TYW1B: variants seen among roughly 807,000 people sequenced by gnomAD.
TYW1B encodes the protein tRNA-yW synthesizing protein 1 homolog B, also known as S-adenosyl-L-methionine-dependent tRNA 4-demethylwyosine synthase TYW1B.
A neutral mutation model predicts 86.9 loss-of-function variants in TYW1B; 73 were observed. That is an observed-to-expected ratio of 0.84 (90% CI 0.70 to 1.02). The LOEUF (loss-of-function observed/expected upper bound fraction) is 1.02, where lower values mean the gene tolerates loss of function less well. Ranked by LOEUF, TYW1B falls within the 50% of genes least tolerant of loss-of-function variation. TYW1B has a pLI of 0.00. For synonymous variants in TYW1B, 248 were observed against 292.8 expected (o/e 0.85, Z 1.56); for missense variants, 637 against 827.4 (o/e 0.77, Z 2.82).
chr7:72,826,699 T>TA (rs371563701), intron 2 of TYW1B, among the ~76,000 whole-genome samples, 156 bp downstream of exon 2: 2 of 152,328 alleles, frequency 1.3e-5, no homozygotes, highest in Non-Finnish European at 2.9e-5. Context: ...CAAGATAACT[T>TA]AGTCTCCAAA....
chr7:72,631,099 C>T (rs1320555914), intron 11 of TYW1B, among the ~76,000 whole-genome samples: 1 of 151,500 alleles, frequency 6.6e-6, no homozygotes, highest in Admixed American at 6.6e-5. Flanking sequence ...TAAAACAAAA[C>T]AGAATGAGCA....
rs797023042 is a variant in TYW1B, at chr7:72,683,568, TCAAAACAAAA to T, written c.1506+11109_1506+11118del. Among the ~76,000 whole-genome samples, 12 of 152,188 alleles carry T rather than the reference TCAAAACAAAA, an allele frequency of 7.9e-5. No homozygotes were observed. In the East Asian group the frequency reaches 1.2e-3, roughly 15 times the overall value. ...CTGAGTGACAGAGCAAGACTCCGAC[TCAAAACAAAA>T]CAAAACAAAACAAAACACTGAGACC... is the stretch of plus-strand genomic sequence containing the variant. On this transcript the variant is annotated intron_variant, in intron 11 of 13. Transcript: ENST00000620995.
chr7:72,797,563 T>A (rs1443737602), intron 6 of TYW1B, among the ~76,000 whole-genome samples: 12 of 152,080 alleles, frequency 7.9e-5, no homozygotes, highest in Non-Finnish European at 1.5e-4. Context: ...GAAAGAAATT[T>A]AAAATGACCT....
At chr7:72,703,167 G>T (rs1554453034) in intron 10 of TYW1B, among the ~76,000 whole-genome samples, 2 of 151,304 alleles carry the variant, frequency 1.3e-5, no homozygotes, top group Non-Finnish European at 2.9e-5. Flanking sequence ...TGGGACTACA[G>T]GCGCCCACCA....
At chr7:72,827,963 C>A (rs548675450) in intron 1 of TYW1B, 109 bp downstream of exon 1, 35 of 1,567,672 alleles carry the variant, frequency 2.2e-5, no homozygotes, top group Non-Finnish European at 2.9e-5. Context: ...TCAAGTGCAA[C>A]AGTCTCCGAA....
intron 11 of TYW1B, among the ~76,000 whole-genome samples, chr7:72,656,418 A>G (rs1813205593): frequency 6.6e-6 from 1 of 152,076 alleles, no homozygotes; most frequent in Admixed American, 6.6e-5. Flanking sequence ...AAAGCATGAT[A>G]CCTCTTGTGT....
intron 1 of TYW1B, 64 bp downstream of exon 1, chr7:72,828,008 G>C: frequency 6.2e-7 from 1 of 1,606,842 alleles, no homozygotes; most frequent in Non-Finnish European, 8.5e-7. Context: ...CGCCCGGAGA[G>C]GGTCTCAGTA....
chr7:72,676,112 T>C (rs1286650322), intron 11 of TYW1B, among the ~76,000 whole-genome samples: 4 of 152,200 alleles, frequency 2.6e-5, no homozygotes, highest in Non-Finnish European at 4.4e-5. Flanking sequence ...AGTTTGATTT[T>C]AGTGGCTGGT....
intron 12 of TYW1B, among the ~76,000 whole-genome samples, chr7:72,624,270 A>ATGCTC (rs1812289345): frequency 1.3e-5 from 2 of 152,350 alleles, no homozygotes; most frequent in Middle Eastern, 6.8e-3. Context: ...AAACCAATGC[A>ATGCTC]TGCTCGTTGT....
At chr7:72,757,790 C>T (rs183866908) in intron 7 of TYW1B, among the ~76,000 whole-genome samples, 33 of 152,320 alleles carry the variant, frequency 2.2e-4, no homozygotes, top group South Asian at 1.4e-3. Context: ...GCCATCACAA[C>T]CTTACACAGA....
chr7:72,801,870 T>C (rs558699250), intron 6 of TYW1B, among the ~76,000 whole-genome samples: 261 of 152,250 alleles, frequency 1.7e-3, no homozygotes, highest in African/African-American at 6.0e-3. Flanking sequence ...AAATTTACAC[T>C]GGAGTTTCAC....
At chr7:72,724,475 A>G (rs1330295647) in intron 9 of TYW1B, among the ~76,000 whole-genome samples, 14 of 152,226 alleles carry the variant, frequency 9.2e-5, no homozygotes, top group Non-Finnish European at 7.3e-5. Context: ...CCTGTCTCCA[A>G]GTAAATAAAT....
At chr7:72,719,198 G>C (rs782205484) in intron 9 of TYW1B, among the ~76,000 whole-genome samples, 1 of 151,588 alleles carries the variant, frequency 6.6e-6, no homozygotes, top group Admixed American at 6.6e-5. Context: ...ACCCAGGCTG[G>C]AGTGCAGTGA....
intron 11 of TYW1B, among the ~76,000 whole-genome samples, chr7:72,686,291 C>T (rs1418390288): frequency 6.6e-6 from 1 of 152,038 alleles, no homozygotes; most frequent in Non-Finnish European, 1.5e-5. Flanking sequence ...TCAAAAATTG[C>T]CAAAACTTGG....
chr7:72,679,610 G>A (rs1554448060), intron 11 of TYW1B, among the ~76,000 whole-genome samples: 1 of 152,196 alleles, frequency 6.6e-6, no homozygotes, highest in African/African-American at 2.4e-5. Context: ...CAGCTCTGGA[G>A]ATGGATGGTG....
intron 13 of TYW1B, among the ~76,000 whole-genome samples, chr7:72,577,801 G>A (rs1332396682): frequency 6.6e-6 from 1 of 152,220 alleles, no homozygotes; most frequent in Non-Finnish European, 1.5e-5. Flanking sequence ...ATCTCTTGGT[G>A]AGCTGTGGTC....
chr7:72,809,861 A>G (rs1186351047), intron 4 of TYW1B, among the ~76,000 whole-genome samples: 4 of 151,822 alleles, frequency 2.6e-5, no homozygotes, highest in South Asian at 4.2e-4. Context: ...TTAGCCAGGC[A>G]TGGTGGTGGG....
intron 1 of TYW1B, 109 bp from the exon 2 acceptor site, chr7:72,827,094 A>G (rs1788947057): frequency 7.3e-7 from 1 of 1,373,014 alleles, no homozygotes; most frequent in African/African-American, 1.5e-5. Context: ...TCAACAACCC[A>G]GCTAAGAAAT....
chr7:72,654,748 G>C (rs1288022391), intron 11 of TYW1B, among the ~76,000 whole-genome samples: 1 of 152,090 alleles, frequency 6.6e-6, no homozygotes, highest in African/African-American at 2.4e-5. Flanking sequence ...AGGCGTGGTG[G>C]TTGACACCTG....
Sources: allele counts gnomAD v4.1 joint callset (sites outside exome capture counted in the v4.1 genomes callset), GRCh38; gene constraint gnomAD v4.1.1; transcripts MANE v1.5; gene names NCBI Gene and HGNC (gene_info 2026-07-23, HGNC 2026-07-21).